Variants in SULF1 observed in about 807,000 individuals in gnomAD.
The protein encoded by SULF1 is sulfatase 1, also known as extracellular sulfatase Sulf-1.
Under a neutral mutation model 110.5 loss-of-function variants are expected in SULF1, and 46 were observed. The observed-to-expected ratio is 0.42, with a 90% CI of 0.33 to 0.53. SULF1 has a LOEUF of 0.53. Ranked by LOEUF, SULF1 falls within the 20% of genes least tolerant of loss-of-function variation. The pLI, the probability that SULF1 is intolerant of heterozygous loss-of-function variation, is 0.12. For missense variants in SULF1, 941 were observed against 1,094.2 expected (o/e 0.86, Z 1.98); for synonymous variants, 371 against 387.1 (o/e 0.96, Z 0.49).
intron 1 of SULF1, among the ~76,000 whole-genome samples, chr8:69,493,448 TAC>T (rs56867664): frequency 0.083 from 11,998 of 144,114 alleles, 545 homozygotes; most frequent in African/African-American, 0.13. Flanking sequence ...CACACAACAC[TAC>T]ACACACACAC....
At chr8:69,537,617 C>T (rs1243656907) in intron 3 of SULF1, among the ~76,000 whole-genome samples, 1 of 152,192 alleles carries the variant, frequency 6.6e-6, no homozygotes, top group East Asian at 1.9e-4. Flanking sequence ...CATCTTCTGA[C>T]ACTAAAGTTC....
rs561132433 is a variant in SULF1 at position 69,576,163 on chromosome 8, G to A, written c.366G>A (p.Glu122=). 2.2e-5 allele frequency: 35 copies of A among 1,614,192 alleles called. 1 individual carries two copies. In the Admixed American group the frequency reaches 5.3e-4, roughly 25 times the overall value. ...CCCCCTCGTGGCAGGCCATGCATGA[G>A]CCTCGGACTTTTGCTGTATATCTTA... ...CSSPSWQAMH[E]PRTFAVYLNN... Residue 122 remains glutamate (E), a synonymous_variant, in exon 6 of 23, where the codon GAG becomes GAA. Transcript: ENST00000402687.
Position 69,638,601 on chromosome 8 carries a change from C to T in SULF1, c.2384C>T (p.Thr795Ile). The T allele has an allele frequency of 6.2e-7, 1 of 1,614,032 alleles. No individual in the cohort carries two copies. Among genetic ancestry groups the T allele is most frequent in the Non-Finnish European group, 8.5e-7 (1 of 1,180,002 alleles). Residue 795 changes from threonine to isoleucine, a missense_variant, in exon 20 of 23, where the codon ACT (threonine) becomes ATT (isoleucine). By Grantham distance (89) the Thr-to-Ile change is moderately conservative. Around this residue, in one of 3 missense-constraint regions of SULF1, gnomAD observed 112 missense variants for 133.5 expected, o/e 0.84. Coordinates refer to ENST00000402687, the MANE Select transcript of SULF1 (RefSeq NM_001128205.2). The stretch of plus-strand genomic sequence containing the variant: ...AATTTTCTTTTCTGTGAGTTTGCTA[C>T]TGGCTTTTTGGAGTATTTTGATATG... ...THNFLFCEFA[T>I]GFLEYFDMNT...
At chr8:69,500,417 G>A (rs1810712673) in intron 2 of SULF1, among the ~76,000 whole-genome samples, 2 of 152,100 alleles carry the variant, frequency 1.3e-5, no homozygotes, top group Admixed American at 1.3e-4. Flanking sequence ...TGGTATTCCG[G>A]CATCTCATTC....
chr8:69,644,045 G>C (rs902160704), intron 22 of SULF1, among the ~76,000 whole-genome samples: 1 of 152,212 alleles, frequency 6.6e-6, no homozygotes, highest in Non-Finnish European at 1.5e-5. Context: ...CTCTGGCAGG[G>C]CTGCTTCCTG....
chr8:69,651,066 T>C (rs2130732502), intron 22 of SULF1, among the ~76,000 whole-genome samples: 1 of 150,538 alleles, frequency 6.6e-6, no homozygotes, highest in South Asian at 2.1e-4. Context: ...CTTTTTTTTT[T>C]TTTTTGAGAC....
chr8:69,574,418 T>G (rs138558278), intron 5 of SULF1, among the ~76,000 whole-genome samples: 1 of 152,292 alleles, frequency 6.6e-6, no homozygotes, highest in East Asian at 1.9e-4. Flanking sequence ...CATCCGACAT[T>G]TACTTCCTCC....
chr8:69,642,955 G>C (rs960723908), intron 22 of SULF1, among the ~76,000 whole-genome samples: 8 of 152,054 alleles, frequency 5.3e-5, no homozygotes, highest in African/African-American at 1.7e-4. Context: ...GGCAACTTTA[G>C]TTGTTGAAAG....
At chr8:69,643,746 T>G (rs1811664325) in intron 22 of SULF1, among the ~76,000 whole-genome samples, 1 of 152,182 alleles carries the variant, frequency 6.6e-6, no homozygotes, top group Non-Finnish European at 1.5e-5. Context: ...CTGAAATGCT[T>G]TGCATACTCA....
Position 69,612,884 on chromosome 8 carries a change from T to G in SULF1, c.1377+7952T>G, listed in dbSNP as rs893886308. Among the ~76,000 whole-genome samples the G allele has an allele frequency of 2.0e-5, 3 of 152,146 alleles. No individual in the cohort carries two copies. The East Asian group carries it at 5.8e-4, about 29-fold the overall frequency. ...TAGGTCTCATTCATTTATGTTTGGG[T>G]TTTTTTATATTTGCTTTTGGGGTCT... On this transcript the variant is annotated intron_variant, in intron 13 of 22. Coordinates refer to ENST00000402687, the MANE Select transcript of SULF1 (RefSeq NM_001128205.2).
intron 3 of SULF1, among the ~76,000 whole-genome samples, chr8:69,506,220 A>C (rs545449835): frequency 4.9e-5 from 7 of 143,806 alleles, no homozygotes; most frequent in African/African-American, 1.8e-4. Flanking sequence ...TTTATAAGAG[A>C]GATAACACTA....
chr8:69,642,943 T>A (rs941733102), intron 22 of SULF1, among the ~76,000 whole-genome samples: 2 of 152,184 alleles, frequency 1.3e-5, no homozygotes, highest in Non-Finnish European at 2.9e-5. Flanking sequence ...TCACATAATC[T>A]TGGCAACTTT....
chr8:69,586,582 A>C (rs1432545689), intron 7 of SULF1, 74 bp downstream of exon 7: 2 of 1,474,966 alleles, frequency 1.4e-6, no homozygotes, highest in South Asian at 2.5e-5. Flanking sequence ...TCAGTGAGTT[A>C]AACTATCCAC....
chr8:69,506,237 C>A (rs928192840), intron 3 of SULF1, among the ~76,000 whole-genome samples: 10 of 147,200 alleles, frequency 6.8e-5, no homozygotes, highest in Admixed American at 3.4e-4. Context: ...ACTAAACATA[C>A]ACACACACAC....
At chr8:69,517,873 A>AG (rs1212240188) in intron 3 of SULF1, among the ~76,000 whole-genome samples, 2 of 152,248 alleles carry the variant, frequency 1.3e-5, no homozygotes, top group Non-Finnish European at 2.9e-5. Context: ...TGGGAAACTG[A>AG]TAAATCCTCC....
At chr8:69,499,787 T>C (rs750379301) in intron 2 of SULF1, among the ~76,000 whole-genome samples, 1 of 152,220 alleles carries the variant, frequency 6.6e-6, no homozygotes, top group Non-Finnish European at 1.5e-5. Flanking sequence ...TCTAGCTCTG[T>C]TTCCTAGACT....
At position 69,629,547 on chromosome 8, in the gene SULF1, G is replaced by T. The variant is rs776594571; in HGVS notation, c.2152G>T (p.Glu718Ter). ...EVDSKLQLFKENNRRRKKERK... is the reference protein window; with the variant it reads ...EVDSKLQLFK ...AGATAGCAAACTGCAACTTTTCAAG[G>T]AGAACAACCGTAGGAGGAAGAAGGA... Residue 718 changes from glutamate (E) to a stop codon, truncating the protein, a stop_gained, in exon 19 of 23, where the codon GAG becomes TAG. Transcript: ENST00000402687. LOFTEE classifies it high-confidence loss of function. The T allele has an allele frequency of 6.2e-7, 1 of 1,613,850 alleles. No individual in the cohort carries two copies. Among genetic ancestry groups the T allele is most frequent in the Non-Finnish European group, 8.5e-7 (1 of 1,179,880 alleles).
intron 1 of SULF1, among the ~76,000 whole-genome samples, chr8:69,471,369 G>A (rs1452945054): frequency 5.3e-5 from 8 of 151,258 alleles, no homozygotes; most frequent in Admixed American, 4.6e-4. Context: ...CACTGGCTCC[G>A]GTAGCTTCCT....
At chr8:69,479,387 T>C (rs1809426058) in intron 1 of SULF1, among the ~76,000 whole-genome samples, 1 of 152,224 alleles carries the variant, frequency 6.6e-6, no homozygotes, top group South Asian at 2.1e-4. Context: ...GTTAATTTCA[T>C]AGTAAATCGT....
Sources: gnomAD v4.1 joint callset for allele counts (sites outside exome capture counted in the v4.1 genomes callset) on GRCh38, gnomAD v4.1.1 for gene constraint, gnomAD v4.1.1 regional missense constraint, MANE v1.5 for transcripts, NCBI Gene and HGNC (gene_info 2026-07-23, HGNC 2026-07-21) for gene names.